The following RABGAP1L variants were observed in gnomAD, a reference collection of about 807,000 sequenced individuals.
RABGAP1L encodes the protein rab GTPase-activating protein 1-like.
Under a neutral mutation model 137.7 loss-of-function variants are expected in RABGAP1L, and 63 were observed. That is an observed-to-expected ratio of 0.46 (90% confidence interval 0.37 to 0.56). RABGAP1L has a LOEUF of 0.56. Among genes scored for constraint, RABGAP1L ranks in the 20% least tolerant of loss-of-function variants. The probability of loss-of-function intolerance (pLI) is 0.00; values close to 1 mark genes in which losing one functional copy is unlikely to be tolerated. For synonymous variants in RABGAP1L, 431 were observed against 433.7 expected (o/e 0.99, Z 0.08); for missense variants, 1,095 against 1,244.0 (o/e 0.88, Z 1.80).
At chr1:174,912,773 C>A (rs77528209) in intron 19 of RABGAP1L, among the ~76,000 whole-genome samples, 11,485 of 152,200 alleles carry the variant, frequency 0.075, 621 homozygotes, top group East Asian at 0.31. Context: ...AAATATGTGC[C>A]ATTTTAATAG....
chr1:174,657,460 C>A (rs1229477300), intron 14 of RABGAP1L, among the ~76,000 whole-genome samples: 1 of 152,098 alleles, frequency 6.6e-6, no homozygotes, highest in Non-Finnish European at 1.5e-5. Context: ...ATGAGATCAA[C>A]TTTTTTAGCT....
In RABGAP1L at chr1:174,957,562, T is replaced by G. The variant is rs1166630080; in HGVS notation, c.2433+13T>G. The G allele has an allele frequency of 1.3e-6, 2 of 1,578,816 alleles. No homozygotes were observed. The highest frequency in any genetic ancestry group is 1.4e-5 in the African/African-American group (1 of 74,044). ...GGATAGATACAAGGTATGAGAAATA[T>G]GTTGCACCTATCAAAGTACCTTCTT... On this transcript the variant is annotated intron_variant, in intron 20 of 25. Transcript: ENST00000681986.
intron 13 of RABGAP1L, among the ~76,000 whole-genome samples, chr1:174,447,901 AC>A (rs1654962405): frequency 4.7e-5 from 1 of 21,296 alleles, no homozygotes; most frequent in Non-Finnish European, 1.0e-4. Context: ...CCCCCCCCCC[AC>A]CCCCCCGCCC....
chr1:174,289,765 C>T (rs950485739), intron 10 of RABGAP1L, among the ~76,000 whole-genome samples: 1 of 152,120 alleles, frequency 6.6e-6, no homozygotes, highest in African/African-American at 2.4e-5. Context: ...GTGGAGCTCT[C>T]TTGTTGGGCA....
chr1:174,188,922 G>C (rs1407374360), intron 1 of RABGAP1L, among the ~76,000 whole-genome samples: 1 of 152,192 alleles, frequency 6.6e-6, no homozygotes, highest in African/African-American at 2.4e-5. Context: ...AGTTGTGTTA[G>C]CCTCTAACGA....
At chr1:174,733,816 G>A (rs1213041015) in intron 17 of RABGAP1L, among the ~76,000 whole-genome samples, 3 of 152,314 alleles carry the variant, frequency 2.0e-5, no homozygotes, top group East Asian at 1.9e-4. Context: ...GAGAAAAGGA[G>A]TCACTCTGGA....
chr1:174,611,458 G>C (rs1671244080), intron 13 of RABGAP1L, among the ~76,000 whole-genome samples: 1 of 150,528 alleles, frequency 6.6e-6, no homozygotes, highest in East Asian at 1.9e-4. Context: ...GGTTACTGTA[G>C]CCTTGTAGTA....
intron 13 of RABGAP1L, among the ~76,000 whole-genome samples, chr1:174,628,103 G>T (rs1673053870): frequency 6.6e-6 from 1 of 151,986 alleles, no homozygotes; most frequent in African/African-American, 2.4e-5. Flanking sequence ...TTTATTGTGT[G>T]GGTTACATGC....
intron 19 of RABGAP1L, among the ~76,000 whole-genome samples, chr1:174,950,762 A>G (rs1667579204): frequency 6.6e-6 from 1 of 152,234 alleles, no homozygotes; most frequent in African/African-American, 2.4e-5. Context: ...GAGCAAGAGT[A>G]GCACATAATG....
At chr1:174,582,902 TG>T (rs1296668396) in intron 13 of RABGAP1L, among the ~76,000 whole-genome samples, 3 of 152,338 alleles carry the variant, frequency 2.0e-5, no homozygotes, top group Admixed American at 6.5e-5. Flanking sequence ...TAATTCAGGT[TG>T]GTTTTTCTTT....
chr1:174,911,415 T>G (rs1026129812), intron 19 of RABGAP1L, among the ~76,000 whole-genome samples: 1 of 152,174 alleles, frequency 6.6e-6, no homozygotes, highest in African/African-American at 2.4e-5. Context: ...ATTGAATAAC[T>G]TTGTTACATT....
chr1:174,751,644 A>C (rs187620329), intron 17 of RABGAP1L, among the ~76,000 whole-genome samples: 19 of 152,340 alleles, frequency 1.2e-4, no homozygotes, highest in African/African-American at 3.8e-4. Flanking sequence ...CAGAGTTCAA[A>C]ATTCAGTTCT....
At chr1:174,173,889 A>T (rs1665612994) in intron 1 of RABGAP1L, among the ~76,000 whole-genome samples, 1 of 152,184 alleles carries the variant, frequency 6.6e-6, no homozygotes, top group East Asian at 1.9e-4. Flanking sequence ...GATATTTTAG[A>T]TATAGGTATG....
intron 20 of RABGAP1L, 161 bp downstream of exon 20, chr1:174,957,710 C>CCCAGCAAA: frequency 1.1e-6 from 1 of 919,228 alleles, no homozygotes; most frequent in South Asian, 1.5e-5. Context: ...AGCCACCATT[C>CCCAGCAAA]CCAGCAAAGT....
At chr1:174,625,622 A>G (rs1672890934) in intron 13 of RABGAP1L, among the ~76,000 whole-genome samples, 1 of 152,152 alleles carries the variant, frequency 6.6e-6, no homozygotes, top group Non-Finnish European at 1.5e-5. Flanking sequence ...TGTATTATTC[A>G]ATTTATGAAA....
At chr1:174,621,719 C>G (rs919949572) in intron 13 of RABGAP1L, among the ~76,000 whole-genome samples, 1 of 152,158 alleles carries the variant, frequency 6.6e-6, no homozygotes, top group African/African-American at 2.4e-5. Flanking sequence ...GGATTAAAGA[C>G]TTAAACGTTA....
chr1:174,665,276 C>A (rs1451181881), intron 14 of RABGAP1L, among the ~76,000 whole-genome samples: 1 of 152,138 alleles, frequency 6.6e-6, no homozygotes, highest in Non-Finnish European at 1.5e-5. Flanking sequence ...AATTATTTAA[C>A]CTACCTTGAA....
intron 13 of RABGAP1L, among the ~76,000 whole-genome samples, chr1:174,607,980 G>A (rs1353416230): frequency 6.6e-6 from 1 of 152,210 alleles, no homozygotes; most frequent in African/African-American, 2.4e-5. Flanking sequence ...TTTGTTTCAT[G>A]TGGGTACAAA....
chr1:174,983,972 A>C (rs930600633), intron 24 of RABGAP1L, among the ~76,000 whole-genome samples: 3 of 151,414 alleles, frequency 2.0e-5, no homozygotes, highest in African/African-American at 7.3e-5. Flanking sequence ...CATTATAGGC[A>C]TACTGACCAA....
Sources: allele counts gnomAD v4.1 joint callset (sites outside exome capture counted in the v4.1 genomes callset), GRCh38; gene constraint gnomAD v4.1.1; transcripts MANE v1.5; gene names NCBI Gene and HGNC (gene_info 2026-07-23, HGNC 2026-07-21).